TMEM178B: variants seen among roughly 807,000 people sequenced by gnomAD.
The protein encoded by TMEM178B is transmembrane protein 178B.
A neutral mutation model predicts 31.0 loss-of-function variants in TMEM178B; 5 were observed. That is an observed-to-expected ratio of 0.16 (90% confidence interval 0.08 to 0.34). TMEM178B has a LOEUF of 0.34. Ranked by LOEUF, TMEM178B falls within the 10% of genes least tolerant of loss-of-function variation. The probability of loss-of-function intolerance (pLI) is 1.00; values close to 1 mark genes in which losing one functional copy is unlikely to be tolerated. For missense variants in TMEM178B, 275 were observed against 400.3 expected (o/e 0.69, Z 2.67); for synonymous variants, 164 against 164.0 (o/e 1.00, Z 0.00).
intron 1 of TMEM178B, among the ~76,000 whole-genome samples, chr7:141,194,860 C>T (rs991316701): frequency 3.9e-5 from 6 of 152,226 alleles, no homozygotes; most frequent in Admixed American, 2.0e-4. Flanking sequence ...GGTGCAGGTT[C>T]CCCAACCTCA....
intron 1 of TMEM178B, among the ~76,000 whole-genome samples, chr7:141,127,138 C>T (rs1000916192): frequency 6.6e-6 from 1 of 152,128 alleles, no homozygotes; most frequent in African/African-American, 2.4e-5. Context: ...AATAGTGTCC[C>T]TACCTCTTGG....
intron 2 of TMEM178B, among the ~76,000 whole-genome samples, chr7:141,222,567 G>A (rs1275392486): frequency 1.3e-5 from 2 of 152,320 alleles, no homozygotes; most frequent in East Asian, 1.9e-4. Flanking sequence ...GCCAACATGA[G>A]AAGCTATTAT....
chr7:141,402,462 A>G (rs1800802690), intron 2 of TMEM178B, among the ~76,000 whole-genome samples: 1 of 152,164 alleles, frequency 6.6e-6, no homozygotes, highest in African/African-American at 2.4e-5. Context: ...TGGGAGCTGC[A>G]TCTTGGTAGA....
intron 2 of TMEM178B, among the ~76,000 whole-genome samples, chr7:141,383,834 A>G (rs1563167396): frequency 6.6e-6 from 1 of 152,226 alleles, no homozygotes; most frequent in Non-Finnish European, 1.5e-5. Context: ...AGACCCATCA[A>G]CAGAGTAAAA....
In TMEM178B at chr7:141,074,208, GC is replaced by G; in HGVS notation, c.-98del. 1 of 1,421,998 alleles carries G rather than the reference GC, an allele frequency of 7.0e-7. No individual in the cohort carries two copies. The highest frequency in any genetic ancestry group is 9.2e-7 in the Non-Finnish European group (1 of 1,088,584). 88.1% of individuals were successfully genotyped at this position (1,421,998 alleles called of 1,614,324 possible). On this transcript the variant is annotated 5_prime_UTR_variant, in exon 1 of 4. Transcript: ENST00000565468. This position sits in a 1 kb window ranked among gnomAD's most constrained non-coding sequence, Gnocchi z 5.1. The stretch of plus-strand genomic sequence containing the variant: ...GCGCCGCGGCGCGAGTCCCTCTCCT[GC>G]CCCCTCCCCCAGCTCGGCCGCCCGC...
the TMEM178B span, among the ~76,000 whole-genome samples, chr7:141,491,037 A>AT: frequency 4.0e-5 from 6 of 151,340 alleles, no homozygotes; most frequent in South Asian, 2.1e-4. Context: ...TTACTTTTTT[A>AT]TTTTTTTTGA....
At chr7:141,370,640 A>G (rs1800098904) in intron 2 of TMEM178B, among the ~76,000 whole-genome samples, 1 of 152,204 alleles carries the variant, frequency 6.6e-6, no homozygotes, top group African/African-American at 2.4e-5. Flanking sequence ...AGGAAGAAAG[A>G]GATTTGGACA....
chr7:141,265,312 G>A (rs111975436), intron 2 of TMEM178B, among the ~76,000 whole-genome samples: 2,695 of 152,264 alleles, frequency 0.018, 79 homozygotes, highest in African/African-American at 0.062. Context: ...CATGATGATG[G>A]GGTGGGGTGG....
chr7:141,174,210 G>A (rs182335754), intron 1 of TMEM178B, among the ~76,000 whole-genome samples: 76 of 152,234 alleles, frequency 5.0e-4, no homozygotes, highest in African/African-American at 1.8e-3. Context: ...AGAACATGTG[G>A]TGTTTGGTTT....
intron 2 of TMEM178B, among the ~76,000 whole-genome samples, chr7:141,412,670 A>C (rs910193688): frequency 6.6e-6 from 1 of 152,252 alleles, no homozygotes; most frequent in African/African-American, 2.4e-5. Flanking sequence ...TGGCTTTGCC[A>C]GCGACGTGCA....
At chr7:141,212,503 T>C (rs1283731681) in intron 1 of TMEM178B, 88 bp from the exon 2 acceptor site, 4 of 1,128,706 alleles carry the variant, frequency 3.5e-6, no homozygotes, top group Non-Finnish European at 5.1e-6. Flanking sequence ...AGAAGTCTTC[T>C]TCTCCAGGAT....
chr7:141,134,050 C>T (rs958670392), intron 1 of TMEM178B, among the ~76,000 whole-genome samples: 21 of 151,946 alleles, frequency 1.4e-4, no homozygotes, highest in African/African-American at 5.1e-4. Context: ...GCCAGGGTAA[C>T]AAAACAAGAC....
rs1387787845 is a variant in TMEM178B at position 141,185,924 on chromosome 7, T to A, written c.383-26667T>A. Among the ~76,000 whole-genome samples, 3 of 152,234 alleles carry A rather than the reference T, an allele frequency of 2.0e-5. No individual in the cohort carries two copies. In the South Asian group the frequency reaches 6.2e-4, roughly 32 times the overall value. ...CAATCAGAGACCTGCACAGAGCAGA[T>A]CTCTGTAGATGAACTTAATTGTGAT... On this transcript the variant is annotated intron_variant, in intron 1 of 3. Coordinates refer to ENST00000565468, the MANE Select transcript of TMEM178B (RefSeq NM_001195278.2).
At chr7:141,327,164 A>T (rs1282842563) in intron 2 of TMEM178B, among the ~76,000 whole-genome samples, 3 of 152,154 alleles carry the variant, frequency 2.0e-5, no homozygotes, top group African/African-American at 7.2e-5. Context: ...AATTGGGTAG[A>T]CGGTGGCCTC....
intron 2 of TMEM178B, among the ~76,000 whole-genome samples, chr7:141,231,416 AT>A (rs1231596538): frequency 2.2e-4 from 33 of 152,214 alleles, no homozygotes; most frequent in Non-Finnish European, 4.4e-5. Context: ...GAGGCAATCC[AT>A]TAATGTAATC....
At chr7:141,228,939 A>G (rs1330590612) in intron 2 of TMEM178B, among the ~76,000 whole-genome samples, 2 of 151,754 alleles carry the variant, frequency 1.3e-5, no homozygotes, top group African/African-American at 4.8e-5. Context: ...CCAAGACTAT[A>G]ATTCATCTCC....
At chr7:141,253,424 G>A (rs150886927) in intron 2 of TMEM178B, among the ~76,000 whole-genome samples, 87 of 152,032 alleles carry the variant, frequency 5.7e-4, no homozygotes, top group African/African-American at 2.1e-3. Context: ...ATCCTCTGTA[G>A]CAGGTTTATC....
chr7:141,114,032 T>C (rs1220881554), intron 1 of TMEM178B, among the ~76,000 whole-genome samples: 3 of 152,226 alleles, frequency 2.0e-5, no homozygotes, highest in Non-Finnish European at 2.9e-5. Flanking sequence ...ATAACTGGTA[T>C]AAAGAGGAAG....
At chr7:141,412,603 C>G (rs1320003388) in intron 2 of TMEM178B, among the ~76,000 whole-genome samples, 4 of 152,182 alleles carry the variant, frequency 2.6e-5, no homozygotes, top group African/African-American at 9.7e-5. Flanking sequence ...TTTATTTGAT[C>G]TGAACCATTT....
Sources: allele counts gnomAD v4.1 joint callset (sites outside exome capture counted in the v4.1 genomes callset), GRCh38; gene constraint gnomAD v4.1.1; non-coding constraint Gnocchi (gnomAD v3.1); transcripts MANE v1.5; gene names NCBI Gene and HGNC (gene_info 2026-07-23, HGNC 2026-07-21).